PFKP: variants seen among roughly 807,000 people sequenced by gnomAD.
PFKP encodes phosphofructokinase, platelet.
PFKP carries 101 observed loss-of-function variants against 94.3 expected under a neutral mutation model. That is an observed-to-expected ratio of 1.07 (90% CI 0.91 to 1.26). The LOEUF (loss-of-function observed/expected upper bound fraction) is 1.26, where lower values mean the gene tolerates loss of function less well. PFKP is among the 50% of genes most tolerant of loss of function. The pLI, the probability that PFKP is intolerant of heterozygous loss-of-function variation, is 0.00. For missense variants in PFKP, 1,145 were observed against 1,103.3 expected (o/e 1.04, Z -0.53); for synonymous variants, 573 against 432.6 (o/e 1.32, Z -4.03).
intron 16 of PFKP, among the ~76,000 whole-genome samples, chr10:3,128,496 AAAT>A (rs1322289516): frequency 3.3e-5 from 3 of 91,442 alleles, no homozygotes; most frequent in Non-Finnish European, 5.4e-5. Context: ...TGGGGCTGGA[AAAT>A]AATACTCTCT....
chr10:3,116,876 G>A (rs770194814), intron 14 of PFKP, 30 bp downstream of exon 14: 7 of 1,499,952 alleles, frequency 4.7e-6, no homozygotes, highest in South Asian at 1.1e-5. Context: ...TCTATGACCT[G>A]CTTTTAAGGA....
intron 13 of PFKP, among the ~76,000 whole-genome samples, chr10:3,113,901 A>G (rs977803222): frequency 6.6e-6 from 1 of 151,998 alleles, no homozygotes; most frequent in African/African-American, 2.4e-5. Flanking sequence ...CTGAAATACA[A>G]ACCTTAGTGA....
At chr10:3,079,684 A>AGGGGGGGGGG (rs1832895522) in intron 1 of PFKP, among the ~76,000 whole-genome samples, 1 of 92,984 alleles carries the variant, frequency 1.1e-5, no homozygotes, top group African/African-American at 3.4e-5. Context: ...GAAGAGGAGC[A>AGGGGGGGGGG]GGGGTGAGGG....
intron 21 of PFKP, among the ~76,000 whole-genome samples, chr10:3,136,228 G>A (rs1839302995): frequency 6.6e-6 from 1 of 152,144 alleles, no homozygotes; most frequent in Admixed American, 6.5e-5. Flanking sequence ...TTGCACCACT[G>A]TACTCAAGCC....
intron 8 of PFKP, chr10:3,108,143 T>C (rs146649851): frequency 1.1e-5 from 8 of 696,040 alleles, no homozygotes; most frequent in Non-Finnish European, 1.5e-5. Flanking sequence ...AATTAAATTA[T>C]AGGACAATGG....
chr10:3,108,997 C>T (rs763844238), intron 9 of PFKP, among the ~76,000 whole-genome samples: 49 of 152,120 alleles, frequency 3.2e-4, no homozygotes, highest in Non-Finnish European at 6.2e-4. Flanking sequence ...GGAGAGCTCC[C>T]TAATGTGGGA....
chr10:3,124,849 C>G (rs938774836), intron 16 of PFKP, among the ~76,000 whole-genome samples: 2 of 152,220 alleles, frequency 1.3e-5, no homozygotes, highest in Non-Finnish European at 2.9e-5. Context: ...CACACCACCC[C>G]GCTGTGCTGC....
chr10:3,123,030 G>A (rs899658182), intron 16 of PFKP, among the ~76,000 whole-genome samples: 3 of 152,182 alleles, frequency 2.0e-5, no homozygotes, highest in Admixed American at 6.5e-5. Flanking sequence ...GGACACGTGC[G>A]TCCTCGTCCT....
Position 3,120,008 on chromosome 10 carries a change from C to T in PFKP, c.1647C>T (p.Ser549=). Residue 549 remains serine, a synonymous_variant, in exon 16 of 22, where the codon AGC becomes AGT. Transcript: ENST00000381125. ...ACAATGTGCCGGGTTCCGATTTCAG[C>T]ATCGGGGCAGACACCGCCCTGAACA... is the stretch of plus-strand genomic sequence containing the variant. ...VSNNVPGSDF[S]IGADTALNTI... 1 of 1,614,150 alleles carries T rather than the reference C, an allele frequency of 6.2e-7. No individual in the cohort carries two copies. The highest frequency in any genetic ancestry group is 8.5e-7 in the Non-Finnish European group (1 of 1,179,994).
At chr10:3,078,481 C>G (rs1040638234) in intron 1 of PFKP, among the ~76,000 whole-genome samples, 3 of 152,202 alleles carry the variant, frequency 2.0e-5, no homozygotes, top group Non-Finnish European at 1.5e-5. Flanking sequence ...AGAGGGAGGG[C>G]TTAGAACTAA....
At position 3,108,755 on chromosome 10, in the gene PFKP, C is replaced by T. The variant is rs1266725782; in HGVS notation, c.925C>T (p.Gln309Ter). 1 of 1,613,828 alleles carries T rather than the reference C, an allele frequency of 6.2e-7. No homozygotes were observed. Among genetic ancestry groups the T allele is most frequent in the African/African-American group, 1.3e-5 (1 of 75,016 alleles). Reference protein sequence around the residue: ...DTRVTILGHVQRGGTPSAFDR... With the variant: ...DTRVTILGHV The stretch of plus-strand genomic sequence containing the variant: ...ACGTGTGACCATCCTCGGGCACGTG[C>T]AGAGAGGAGGGACCCCTTCGGCATT... The change falls in exon 9 of 22, where the codon CAG becomes TAG. Residue 309 changes from glutamine to a stop codon, truncating the protein, a stop_gained. Coordinates refer to ENST00000381125, the MANE Select transcript of PFKP (RefSeq NM_002627.5). LOFTEE classifies it high-confidence loss of function.
At chr10:3,068,912 A>G (rs1698517684) in intron 1 of PFKP, among the ~76,000 whole-genome samples, 1 of 152,134 alleles carries the variant, frequency 6.6e-6, no homozygotes, top group South Asian at 2.1e-4. Context: ...GGGGCCGCGC[A>G]CTGCACAGGG....
chr10:3,119,161 A>C (rs1463134877), intron 15 of PFKP, among the ~76,000 whole-genome samples: 3 of 152,130 alleles, frequency 2.0e-5, no homozygotes, highest in East Asian at 3.9e-4. Context: ...AAGTAATTCT[A>C]TCTCTTGAGT....
intron 1 of PFKP, among the ~76,000 whole-genome samples, chr10:3,076,042 T>TAAAAAAAA (rs199584217): frequency 1.6e-5 from 2 of 122,156 alleles, no homozygotes; most frequent in Admixed American, 8.4e-5. Flanking sequence ...AAAAAAAAAG[T>TAAAAAAAA]AAAAACCGGT....
chr10:3,117,546 G>A (rs1008231469), intron 14 of PFKP, among the ~76,000 whole-genome samples: 5 of 152,212 alleles, frequency 3.3e-5, no homozygotes, highest in African/African-American at 1.2e-4. Context: ...GGAGTTAGCT[G>A]CACCCTTTGC....
At chr10:3,121,799 T>TTTTCTTTTC (rs1837438842) in intron 16 of PFKP, among the ~76,000 whole-genome samples, 3 of 25,518 alleles carry the variant, frequency 1.2e-4, no homozygotes, top group Non-Finnish European at 1.7e-4. Context: ...ATTTCTTTTT[T>TTTTCTTTTC]TTTCTTTTTT....
At chr10:3,128,856 G>A (rs1838247065) in intron 16 of PFKP, among the ~76,000 whole-genome samples, 1 of 152,220 alleles carries the variant, frequency 6.6e-6, no homozygotes, top group Non-Finnish European at 1.5e-5. Flanking sequence ...GTGCCGGAAT[G>A]TGATGCACAC....
rs568962774 is a variant in PFKP, at chr10:3,107,655, C to T, written c.870+346C>T. 12 of 777,838 alleles carry T rather than the reference C, an allele frequency of 1.5e-5. 1 individual carries two copies. The South Asian group carries it at 5.2e-4, about 34-fold the overall frequency. The allele number at this position is 777,838 out of a possible 1,614,324, so 48.2% of individuals were successfully genotyped here. The stretch of plus-strand genomic sequence containing the variant: ...GAATGAGGACTGACCACTTGGCAGC[C>T]GACCCGGGCTTCTGTTTGCCACAGT... On this transcript the variant is annotated intron_variant, in intron 8 of 21. Coordinates refer to ENST00000381125, the MANE Select transcript of PFKP (RefSeq NM_002627.5).
At chr10:3,131,107 AATAT>A (rs1008930125) in intron 17 of PFKP, among the ~76,000 whole-genome samples, 4 of 152,066 alleles carry the variant, frequency 2.6e-5, no homozygotes, top group African/African-American at 7.2e-5. Context: ...ATATTTTTAT[AATAT>A]ATATTTTATA....
Sources: gnomAD v4.1 joint callset for allele counts (sites outside exome capture counted in the v4.1 genomes callset) on GRCh38, gnomAD v4.1.1 for gene constraint, MANE v1.5 for transcripts, NCBI Gene and HGNC (gene_info 2026-07-23, HGNC 2026-07-21) for gene names.